Variants in CSMD1 observed in about 807,000 individuals in gnomAD.
CSMD1 encodes CUB and sushi domain-containing protein 1.
A neutral mutation model predicts 417.5 loss-of-function variants in CSMD1; 213 were observed. That is an observed-to-expected ratio of 0.51 (90% CI 0.46 to 0.57). The LOEUF (loss-of-function observed/expected upper bound fraction) is 0.57. CSMD1 is among the 20% of genes least tolerant of loss of function. CSMD1 has a pLI of 0.00. For missense variants in CSMD1, 6,923 were observed against 4,529.7 expected, an observed-to-expected ratio of 1.53 and a Z score of -15.17; for synonymous variants, 2,862 against 1,736.8, an observed-to-expected ratio of 1.65 and a Z score of -16.11.
chr8:4,934,334 T>C (rs79089674), intron 1 of CSMD1, among the ~76,000 whole-genome samples: 46,993 of 152,104 alleles, frequency 0.31, 8,203 homozygotes, highest in Middle Eastern at 0.4. Context: ...TGCAGCCCTA[T>C]GTATTAAATT....
At chr8:4,902,041 T>G (rs1269227635) in intron 1 of CSMD1, among the ~76,000 whole-genome samples, 2 of 152,184 alleles carry the variant, frequency 1.3e-5, no homozygotes, top group Non-Finnish European at 2.9e-5. Context: ...ATACTGTGGC[T>G]TTGGCTATAT....
chr8:3,615,549 A>G (rs564436078), intron 8 of CSMD1, among the ~76,000 whole-genome samples: 1 of 152,324 alleles, frequency 6.6e-6, no homozygotes, highest in East Asian at 1.9e-4. Context: ...TCACATCTAT[A>G]CTTTGTATGC....
intron 2 of CSMD1, among the ~76,000 whole-genome samples, chr8:4,422,276 G>C (rs1419825507): frequency 6.6e-6 from 1 of 152,014 alleles, no homozygotes; most frequent in Non-Finnish European, 1.5e-5. Flanking sequence ...GAATGCTTTT[G>C]TAGTAATTTT....
At chr8:3,719,373 T>G (rs12548366) in intron 6 of CSMD1, among the ~76,000 whole-genome samples, 19,765 of 152,138 alleles carry the variant, frequency 0.13, 1,608 homozygotes, top group East Asian at 0.21. Flanking sequence ...GATTTTTTCA[T>G]CTGTTAAAAG....
intron 2 of CSMD1, among the ~76,000 whole-genome samples, chr8:4,542,053 G>A (rs1180382341): frequency 1.3e-5 from 2 of 152,096 alleles, no homozygotes; most frequent in Non-Finnish European, 1.5e-5. Context: ...TGAAGTCCCC[G>A]TGTGCAATGG....
At chr8:4,149,538 C>T (rs1037206633) in intron 3 of CSMD1, among the ~76,000 whole-genome samples, 1 of 152,114 alleles carries the variant, frequency 6.6e-6, no homozygotes. Flanking sequence ...TCAATACTAA[C>T]CAAAAATATT....
At chr8:3,196,828 G>C (rs1796730688) in intron 33 of CSMD1, among the ~76,000 whole-genome samples, 1 of 152,144 alleles carries the variant, frequency 6.6e-6, no homozygotes, top group African/African-American at 2.4e-5. Context: ...CTGGGAGAGT[G>C]GATAATGACC....
At chr8:3,358,384 C>T (rs1488820255) in intron 21 of CSMD1, among the ~76,000 whole-genome samples, 1 of 152,168 alleles carries the variant, frequency 6.6e-6, no homozygotes, top group South Asian at 2.1e-4. Context: ...AGGAACTAGA[C>T]GTTGTCCGTA....
chr8:2,998,269 C>T, intron 53 of CSMD1, 85 bp from the exon 54 acceptor site: 1 of 1,394,438 alleles, frequency 7.2e-7, no homozygotes, highest in East Asian at 2.3e-5. Context: ...AACATGCAGG[C>T]ATGCTAACGG....
At chr8:3,248,219 C>A (rs1044793641) in intron 26 of CSMD1, among the ~76,000 whole-genome samples, 1 of 152,122 alleles carries the variant, frequency 6.6e-6, no homozygotes, top group African/African-American at 2.4e-5. Flanking sequence ...TTCATTAAAA[C>A]CTTTACTGTA....
At chr8:4,019,595 G>T (rs1029181239) in intron 4 of CSMD1, among the ~76,000 whole-genome samples, 4 of 152,144 alleles carry the variant, frequency 2.6e-5, no homozygotes, top group Admixed American at 6.5e-5. Flanking sequence ...CTTGCTGGCT[G>T]CTTGTTGTCA....
intron 1 of CSMD1, among the ~76,000 whole-genome samples, chr8:4,823,791 A>T (rs1304206872): frequency 6.6e-6 from 1 of 151,808 alleles, no homozygotes; most frequent in Non-Finnish European, 1.5e-5. Flanking sequence ...CAAGTGTCTC[A>T]TGGAGTGGTG....
intron 4 of CSMD1, among the ~76,000 whole-genome samples, chr8:4,016,455 G>C (rs1003340658): frequency 6.6e-6 from 1 of 152,130 alleles, no homozygotes; most frequent in African/African-American, 2.4e-5. Flanking sequence ...GACGTCTCCA[G>C]GTCTCAGGCC....
chr8:4,636,526 T>G (rs11991366), intron 2 of CSMD1, among the ~76,000 whole-genome samples: 23,124 of 152,158 alleles, frequency 0.15, 1,906 homozygotes, highest in Non-Finnish European at 0.19. Context: ...AAGGGTTCAT[T>G]TTGTTCTGAT....
At chr8:3,779,640 T>A (rs577370406) in intron 5 of CSMD1, among the ~76,000 whole-genome samples, 22 of 152,262 alleles carry the variant, frequency 1.4e-4, no homozygotes, top group South Asian at 4.1e-4. Flanking sequence ...CGTTAATATT[T>A]TAGGTTACAT....
chr8:4,588,560 C>A (rs1251534050), intron 2 of CSMD1, among the ~76,000 whole-genome samples: 1 of 151,658 alleles, frequency 6.6e-6, no homozygotes, highest in Non-Finnish European at 1.5e-5. Flanking sequence ...TTTCGGAGGC[C>A]GAGTCTGGCG....
At chr8:4,044,648 G>C (rs6988830) in intron 3 of CSMD1, among the ~76,000 whole-genome samples, 3 of 126,590 alleles carry the variant, frequency 2.4e-5, no homozygotes, top group South Asian at 2.8e-4. Flanking sequence ...CACCCTGTAC[G>C]TGTACCACCC....
chr8:4,581,576 A>G (rs978568019), intron 2 of CSMD1, among the ~76,000 whole-genome samples: 5 of 152,238 alleles, frequency 3.3e-5, no homozygotes, highest in Admixed American at 6.5e-5. Context: ...TACTCAATAT[A>G]TCATTAAGAC....
intron 3 of CSMD1, among the ~76,000 whole-genome samples, chr8:4,336,840 G>A (rs965205718): frequency 1.3e-5 from 2 of 151,990 alleles, no homozygotes; most frequent in Admixed American, 1.3e-4. Flanking sequence ...ATGAAGATGG[G>A]GTTGAGATTT....
Sources: gnomAD v4.1 joint callset for allele counts (sites outside exome capture counted in the v4.1 genomes callset) on GRCh38, gnomAD v4.1.1 for gene constraint, MANE v1.5 for transcripts, NCBI Gene and HGNC (gene_info 2026-07-23, HGNC 2026-07-21) for gene names.